KCTD16: variants seen among roughly 807,000 people sequenced by gnomAD.
KCTD16 encodes the protein BTB/POZ domain-containing protein KCTD16.
Under a neutral mutation model 33.2 loss-of-function variants are expected in KCTD16, and 13 were observed. That is an observed-to-expected ratio of 0.39 (90% confidence interval 0.25 to 0.62). The LOEUF is 0.62. KCTD16 is among the 20% of genes least tolerant of loss of function. The probability of loss-of-function intolerance (pLI) is 0.50; values close to 1 mark genes in which losing one functional copy is unlikely to be tolerated. For synonymous variants in KCTD16, 197 were observed against 195.3 expected, an observed-to-expected ratio of 1.01 and a Z score of -0.07; for missense variants, 441 against 525.1, an observed-to-expected ratio of 0.84 and a Z score of 1.57.
At chr5:144,365,617 T>G (rs1449778922) in intron 3 of KCTD16, among the ~76,000 whole-genome samples, 3 of 152,192 alleles carry the variant, frequency 2.0e-5, no homozygotes, top group African/African-American at 7.2e-5. Flanking sequence ...GTTGTTTTCT[T>G]GAGAAATCCT....
At position 144,262,630 on chromosome 5, in the gene KCTD16, C is replaced by T. The variant is rs565274187; in HGVS notation, c.832+55084C>T. On this transcript the variant is annotated intron_variant, in intron 3 of 3. Transcript: ENST00000512467. ...CATTTTAATCCTTTCCACACCAGTTCTTTGAACTCATGAACACAAAACATT... is the reference window on the plus strand; with the variant it reads ...CATTTTAATCCTTTCCACACCAGTTTTTTGAACTCATGAACACAAAACATT... Among the ~76,000 whole-genome samples, 211 of 152,298 alleles carry T rather than the reference C, an allele frequency of 1.4e-3. 1 individual carries two copies. Among genetic ancestry groups the T allele is most frequent in the Middle Eastern group, 0.014 (4 of 294 alleles).
rs1253806182 is a variant in KCTD16, at chr5:144,344,573, A to G, written c.833-129087A>G. Among the ~76,000 whole-genome samples, 3 of 151,624 alleles carry G rather than the reference A, an allele frequency of 2.0e-5. No homozygotes were observed. The East Asian group carries it at 5.8e-4, about 29-fold the overall frequency. ...ATGAACAGACACTTCTCAAAAGAAGACATTTATGCAGCCAAAAAACACATG... is the reference window on the plus strand; with the variant it reads ...ATGAACAGACACTTCTCAAAAGAAGGCATTTATGCAGCCAAAAAACACATG... On this transcript the variant is annotated intron_variant, in intron 3 of 3. Transcript: ENST00000512467.
intron 3 of KCTD16, among the ~76,000 whole-genome samples, chr5:144,332,963 C>T (rs1429126511): frequency 6.6e-6 from 1 of 152,094 alleles, no homozygotes; most frequent in Non-Finnish European, 1.5e-5. Context: ...CATCAGATTT[C>T]GTGAGACTTA....
chr5:144,300,573 A>G (rs970555925), intron 3 of KCTD16, among the ~76,000 whole-genome samples: 3 of 152,196 alleles, frequency 2.0e-5, no homozygotes, highest in African/African-American at 7.2e-5. Flanking sequence ...TACACCAATC[A>G]TGCAATGAAT....
chr5:144,399,988 C>T (rs891782531), intron 3 of KCTD16, among the ~76,000 whole-genome samples: 3 of 152,196 alleles, frequency 2.0e-5, no homozygotes, highest in African/African-American at 7.2e-5. Context: ...TCAAAGGCTA[C>T]AGCCACAAAG....
At chr5:144,431,176 C>A (rs1213316093) in intron 3 of KCTD16, among the ~76,000 whole-genome samples, 2 of 152,102 alleles carry the variant, frequency 1.3e-5, no homozygotes, top group Non-Finnish European at 2.9e-5. Context: ...AATGAAGTTG[C>A]CTCTGTCAAA....
intron 2 of KCTD16, among the ~76,000 whole-genome samples, chr5:144,176,278 A>G (rs1752504349): frequency 1.3e-5 from 2 of 152,170 alleles, no homozygotes; most frequent in African/African-American, 4.8e-5. Context: ...GAGACAGAGC[A>G]TAAGATGATT....
intron 3 of KCTD16, among the ~76,000 whole-genome samples, chr5:144,368,878 AC>A (rs1239421065): frequency 6.6e-6 from 1 of 152,192 alleles, no homozygotes; most frequent in Non-Finnish European, 1.5e-5. Context: ...AGGCTCAGAT[AC>A]GCTAATTCGT....
At chr5:144,467,605 T>C (rs150285210) in intron 3 of KCTD16, among the ~76,000 whole-genome samples, 32 of 152,252 alleles carry the variant, frequency 2.1e-4, no homozygotes, top group Middle Eastern at 6.8e-3. Flanking sequence ...GGGACTAGCC[T>C]GAAAGTAGAA....
intron 3 of KCTD16, among the ~76,000 whole-genome samples, chr5:144,345,342 C>G (rs1752768438): frequency 6.6e-6 from 1 of 151,808 alleles, no homozygotes; most frequent in African/African-American, 2.4e-5. Flanking sequence ...TACCCTAAAA[C>G]TTAAAGTATA....
intron 3 of KCTD16, among the ~76,000 whole-genome samples, chr5:144,318,517 A>G (rs1580868985): frequency 6.6e-6 from 1 of 152,234 alleles, no homozygotes; most frequent in Non-Finnish European, 1.5e-5. Context: ...ACTTTTTGTT[A>G]GGATAAAATA....
chr5:144,239,989 C>T (rs1754356946), intron 3 of KCTD16, among the ~76,000 whole-genome samples: 1 of 152,046 alleles, frequency 6.6e-6, no homozygotes, highest in Admixed American at 6.6e-5. Context: ...TTTGTATATG[C>T]CAGACATAGG....
rs766866031 is a variant in KCTD16 at position 144,481,255 on chromosome 5, G to C, written c.*7141G>C. Reference sequence around the variant, plus strand: ...GCTGATCAACAGTAGACCACAAAGTGCTCTCAGAAATGAAACTAGTAAGGG... The same window carrying C: ...GCTGATCAACAGTAGACCACAAAGTCCTCTCAGAAATGAAACTAGTAAGGG... On this transcript the variant is annotated 3_prime_UTR_variant, in exon 4 of 4. Coordinates refer to ENST00000512467, the MANE Select transcript of KCTD16 (RefSeq NM_020768.4). 6.6e-6 allele frequency: 1 copy of C among 151,960 alleles called. No homozygotes were observed. The highest frequency in any genetic ancestry group is 2.4e-5 in the African/African-American group (1 of 41,420). 9.4% of individuals were successfully genotyped at this position (151,960 alleles called of 1,614,324 possible). A position where few individuals can be genotyped will look rare whatever the true frequency, so the allele number is the denominator to read the frequency against.
chr5:144,407,993 G>T (rs1752849666), intron 3 of KCTD16, among the ~76,000 whole-genome samples: 1 of 152,112 alleles, frequency 6.6e-6, no homozygotes, highest in South Asian at 2.1e-4. Context: ...AAATAGTGCT[G>T]CAATAAACAT....
chr5:144,205,218 G>C (rs1753133781), intron 2 of KCTD16: 1 of 254,426 alleles, frequency 3.9e-6, no homozygotes, highest in Non-Finnish European at 7.4e-6. Context: ...CCGCGCGCCT[G>C]GCAATCGCGT....
chr5:144,474,256 T>C lies in KCTD16; in HGVS notation c.*142T>C. 1.6e-6 allele frequency: 1 copy of C among 643,554 alleles called. No homozygotes were observed. Among genetic ancestry groups the C allele is most frequent in the South Asian group, 2.0e-5 (1 of 49,000 alleles). 39.9% of individuals were successfully genotyped at this position (643,554 alleles called of 1,614,324 possible). ...AATAGTCCATTGATATACTACTGCCTACTTTACCTAGTTCACCTTAACATG... is the reference window on the plus strand; with the variant it reads ...AATAGTCCATTGATATACTACTGCCCACTTTACCTAGTTCACCTTAACATG... On this transcript the variant is annotated 3_prime_UTR_variant, in exon 4 of 4. Coordinates refer to ENST00000512467, the MANE Select transcript of KCTD16 (RefSeq NM_020768.4).
In KCTD16 at chr5:144,453,379, C is replaced by G. The variant is rs544088217; in HGVS notation, c.833-20281C>G. 5.3e-5 allele frequency among the ~76,000 whole-genome samples: 8 copies of G among 152,092 alleles called. No homozygotes were observed. The East Asian group carries it at 1.5e-3, about 29-fold the overall frequency. On this transcript the variant is annotated intron_variant, in intron 3 of 3. Coordinates refer to ENST00000512467, the MANE Select transcript of KCTD16 (RefSeq NM_020768.4). ...CTCTAGTCTTCCTCTATCTTGATGC[C>G]GAAGAGAAGCGATTTCAGCCTGAGT...
At chr5:144,452,146 TTATA>T (rs140891816) in intron 3 of KCTD16, among the ~76,000 whole-genome samples, 5 of 138,194 alleles carry the variant, frequency 3.6e-5, no homozygotes, top group Non-Finnish European at 3.0e-5. Context: ...ATATATAATA[TTATA>T]TATATATATA....
At chr5:144,356,561 G>A (rs1326060751) in intron 3 of KCTD16, among the ~76,000 whole-genome samples, 1 of 151,726 alleles carries the variant, frequency 6.6e-6, no homozygotes, top group Non-Finnish European at 1.5e-5. Context: ...TTGGAAGAAG[G>A]GGTCCAGTTC....
Sources: allele counts gnomAD v4.1 joint callset (sites outside exome capture counted in the v4.1 genomes callset), GRCh38; gene constraint gnomAD v4.1.1; transcripts MANE v1.5; gene names NCBI Gene and HGNC (gene_info 2026-07-23, HGNC 2026-07-21).